ZNF267: variants seen among roughly 807,000 people sequenced by gnomAD.
ZNF267 encodes the protein zinc finger (C2H2).
A neutral mutation model predicts 71.6 loss-of-function variants in ZNF267; 61 were observed. The observed-to-expected ratio is 0.85, with a 90% CI of 0.69 to 1.05. The LOEUF (loss-of-function observed/expected upper bound fraction) is 1.05, where lower values mean the gene tolerates loss of function less well. ZNF267 is among the 50% of genes least tolerant of loss of function. The pLI is 0.00. For missense variants in ZNF267, 852 were observed against 870.0 expected (o/e 0.98, Z 0.26); for synonymous variants, 288 against 293.2 (o/e 0.98, Z 0.18).
intron 3 of ZNF267, among the ~76,000 whole-genome samples, chr16:31,887,002 T>C (rs1859335615): frequency 6.6e-6 from 1 of 152,216 alleles, no homozygotes; most frequent in Non-Finnish European, 1.5e-5. Flanking sequence ...GGTTTTCTTT[T>C]CTCCACACTC....
chr16:31,875,042 C>A (rs2083842338), intron 1 of ZNF267: 1 of 1,047,396 alleles, frequency 9.5e-7, no homozygotes, highest in Non-Finnish European at 1.3e-6. Flanking sequence ...ATCCCTGACA[C>A]TCCACTGCAA....
intron 3 of ZNF267, among the ~76,000 whole-genome samples, chr16:31,904,138 T>C (rs544296025): frequency 6.6e-6 from 1 of 152,374 alleles, no homozygotes; most frequent in African/African-American, 2.4e-5. Flanking sequence ...TGGATTGCAC[T>C]GTGGTGTGAG....
At position 31,916,090 on chromosome 16, in the gene ZNF267, G is replaced by C; in HGVS notation, c.1841G>C (p.Ser614Thr). ...TGTAAAGAATGTGGCAAAGCCTTTA[G>C]TTATAGTTCAGATGTTATTCAGCAT... is the stretch of plus-strand genomic sequence containing the variant. ...YTCKECGKAF[S>T]YSSDVIQHRR... The change falls in exon 4 of 4, where the codon AGT becomes ACT. Residue 614 changes from serine to threonine, a missense_variant. Transcript: ENST00000300870. The C allele has an allele frequency of 6.2e-7, 1 of 1,613,932 alleles. No homozygotes were observed. The highest frequency in any genetic ancestry group is 2.2e-5 in the East Asian group (1 of 44,858).
At chr16:31,892,510 A>G (rs1268412536) in intron 3 of ZNF267, among the ~76,000 whole-genome samples, 1 of 152,218 alleles carries the variant, frequency 6.6e-6, no homozygotes, top group African/African-American at 2.4e-5. Context: ...TAATTTCAGC[A>G]TTAACTCAAA....
At chr16:31,907,779 A>G (rs191728063) in intron 3 of ZNF267, among the ~76,000 whole-genome samples, 14 of 151,920 alleles carry the variant, frequency 9.2e-5, no homozygotes, top group Non-Finnish European at 1.9e-4. Context: ...GCTCATGCCT[A>G]TAATCCCAGC....
intron 3 of ZNF267, among the ~76,000 whole-genome samples, chr16:31,910,265 CAAA>C (rs1449978212): frequency 6.7e-6 from 1 of 149,958 alleles, no homozygotes; most frequent in Non-Finnish European, 1.5e-5. Flanking sequence ...ATACTGGCCT[CAAA>C]GAATGAGTTG....
Position 31,884,628 on chromosome 16 carries a change from A to G in ZNF267, c.130+4A>G. On this transcript the variant is annotated splice_donor_region_variant and intron_variant, in intron 2 of 3. Transcript: ENST00000300870. ...TACAGAAACCTGGTCTCTCTGGGTG[A>G]GGATAACTTGCCTTCGGAATATCTA... The G allele has an allele frequency of 6.2e-7, 1 of 1,607,676 alleles. No homozygotes were observed. The highest frequency in any genetic ancestry group is 8.5e-7 in the Non-Finnish European group (1 of 1,177,546).
intron 3 of ZNF267, among the ~76,000 whole-genome samples, chr16:31,892,508 G>T (rs114498793): frequency 6.6e-6 from 1 of 152,078 alleles, no homozygotes; most frequent in Non-Finnish European, 1.5e-5. Context: ...ACTAATTTCA[G>T]CATTAACTCA....
At chr16:31,878,260 C>G (rs2083865969) in intron 1 of ZNF267, among the ~76,000 whole-genome samples, 1 of 152,112 alleles carries the variant, frequency 6.6e-6, no homozygotes, top group Non-Finnish European at 1.5e-5. Context: ...CAGGCTGCCC[C>G]ACTGTGCATT....
intron 1 of ZNF267, among the ~76,000 whole-genome samples, chr16:31,884,068 C>G (rs2083907829): frequency 6.6e-6 from 1 of 152,164 alleles, no homozygotes; most frequent in Non-Finnish European, 1.5e-5. Flanking sequence ...TATGGAAATG[C>G]AGAAACTCAA....
At position 31,913,901 on chromosome 16, in the gene ZNF267, C is replaced by G. The variant is rs191170518; in HGVS notation, c.227-575C>G. On this transcript the variant is annotated intron_variant, in intron 3 of 3. Coordinates refer to ENST00000300870, the MANE Select transcript of ZNF267 (RefSeq NM_003414.6). ...CTAAGAGTCTGCTTGGTGCTCTACC[C>G]CACTGTGGCCAAGCTGGTACCTCAG... 3.6e-3 allele frequency: 556 copies of G among 152,602 alleles called. 2 individuals carry two copies. Among genetic ancestry groups the G allele is most frequent in the Non-Finnish European group, 6.6e-3 (448 of 68,320 alleles). 9.5% of individuals were successfully genotyped at this position (152,602 alleles called of 1,614,324 possible). A position where few individuals can be genotyped will look rare whatever the true frequency, so the allele number is the denominator to read the frequency against.
At chr16:31,886,329 G>A (rs1296246487) in intron 3 of ZNF267, among the ~76,000 whole-genome samples, 3 of 152,176 alleles carry the variant, frequency 2.0e-5, no homozygotes, top group African/African-American at 4.8e-5. Flanking sequence ...GTACTGGTCT[G>A]TGGCCTGTGA....
At position 31,910,392 on chromosome 16, in the gene ZNF267, CTGGGAGACTTTTTATTAT is replaced by C. The variant is rs1231469017; in HGVS notation, c.227-4083_227-4066del. Among the ~76,000 whole-genome samples, 8 of 151,626 alleles carry C rather than the reference CTGGGAGACTTTTTATTAT, an allele frequency of 5.3e-5. No individual in the cohort carries two copies. In the South Asian group the frequency reaches 6.2e-4, roughly 12 times the overall value. On this transcript the variant is annotated intron_variant, in intron 3 of 3. Transcript: ENST00000300870. ...CCATCAGGTCCTGGGCTTTTCTTTA[CTGGGAGACTTTTTATTAT>C]GGCTTTGAACTTGTTACTTCTTATT...
chr16:31,887,907 G>GA (rs1482888421), intron 3 of ZNF267, among the ~76,000 whole-genome samples: 2 of 151,960 alleles, frequency 1.3e-5, no homozygotes, highest in East Asian at 3.9e-4. Flanking sequence ...CTATTTCTGT[G>GA]AAAAATGCCA....
chr16:31,911,548 G>C (rs2084135537), intron 3 of ZNF267, among the ~76,000 whole-genome samples: 1 of 151,188 alleles, frequency 6.6e-6, no homozygotes, highest in Non-Finnish European at 1.5e-5. Flanking sequence ...CAGTCTATGT[G>C]TATCTTTATA....
chr16:31,882,352 A>T (rs1352275860), intron 1 of ZNF267, among the ~76,000 whole-genome samples: 1 of 152,196 alleles, frequency 6.6e-6, no homozygotes, highest in African/African-American at 2.4e-5. Context: ...CTCACTGTGA[A>T]CGAAAAGTAT....
intron 3 of ZNF267, among the ~76,000 whole-genome samples, chr16:31,899,241 A>G (rs1460396677): frequency 6.6e-6 from 1 of 152,198 alleles, no homozygotes; most frequent in African/African-American, 2.4e-5. Flanking sequence ...TCTTCTTAGC[A>G]CCACATTGCA....
intron 1 of ZNF267, chr16:31,875,327 G>A: frequency 7.8e-7 from 1 of 1,286,076 alleles, no homozygotes; most frequent in South Asian, 1.2e-5. Flanking sequence ...TCCCTCAGGG[G>A]AGCAGCTGGA....
chr16:31,915,434 T>C lies in ZNF267; in HGVS notation c.1185T>C (p.Leu395=), dbSNP rs749659311. 3.1e-6 allele frequency: 5 copies of C among 1,613,914 alleles called. No individual in the cohort carries two copies. The Admixed American group carries it at 8.3e-5, about 27-fold the overall frequency. ...AATCTTTTACTCGTTCCTCCAATCT[T>C]ATTGTGCATCAGAGAATTCACACTG... ...CSKSFTRSSN[L]IVHQRIHTGE... The change falls in exon 4 of 4, where the codon CTT becomes CTC. Residue 395 remains leucine, a synonymous_variant. Coordinates refer to ENST00000300870, the MANE Select transcript of ZNF267 (RefSeq NM_003414.6).
Sources: gnomAD v4.1 joint callset for allele counts (sites outside exome capture counted in the v4.1 genomes callset) on GRCh38, gnomAD v4.1.1 for gene constraint, MANE v1.5 for transcripts, NCBI Gene and HGNC (gene_info 2026-07-23, HGNC 2026-07-21) for gene names.